RELCH: variants seen among roughly 807,000 people sequenced by gnomAD.
RELCH encodes the protein RAB11 binding and LisH domain, coiled-coil and HEAT repeat containing.
In RELCH, 41 loss-of-function variants were observed where a neutral mutation model predicts 150.3. The ratio of observed to expected loss-of-function variants is 0.27; its 90% CI spans 0.21 to 0.35. The LOEUF (loss-of-function observed/expected upper bound fraction) is 0.35. Ranked by LOEUF, RELCH falls within the 10% of genes least tolerant of loss-of-function variation. RELCH has a pLI of 1.00. For synonymous variants in RELCH, 478 were observed against 531.8 expected, an observed-to-expected ratio of 0.90 and a Z score of 1.39; for missense variants, 1,092 against 1,467.8, an observed-to-expected ratio of 0.74 and a Z score of 4.18.
chr18:62,209,749 C>T (rs1218537043), intron 1 of RELCH, among the ~76,000 whole-genome samples: 1 of 151,620 alleles, frequency 6.6e-6, no homozygotes, highest in Non-Finnish European at 1.5e-5. Context: ...TATCTGTAAG[C>T]CTGAGCTGTC....
intron 1 of RELCH, among the ~76,000 whole-genome samples, chr18:62,189,274 T>TG (rs1491374868): frequency 2.7e-4 from 34 of 127,984 alleles, no homozygotes; most frequent in South Asian, 1.2e-3. Flanking sequence ...TTTTTTTTGT[T>TG]GTTTTTTTTT....
intron 8 of RELCH, among the ~76,000 whole-genome samples, chr18:62,229,581 A>G (rs1296133774): frequency 6.6e-6 from 1 of 151,410 alleles, no homozygotes; most frequent in African/African-American, 2.4e-5. Flanking sequence ...CCAAACCTCA[A>G]ACCTTATAGT....
At chr18:62,220,634 A>C (rs1249939114) in intron 2 of RELCH, among the ~76,000 whole-genome samples, 1 of 151,976 alleles carries the variant, frequency 6.6e-6, no homozygotes, top group Non-Finnish European at 1.5e-5. Context: ...GGCTTCATCT[A>C]ATTTTTACCT....
At chr18:62,221,353 ATTTC>A (rs1369297174) in intron 4 of RELCH, 27 bp from the exon 5 acceptor site, 1 of 1,542,064 alleles carries the variant, frequency 6.5e-7, no homozygotes, top group East Asian at 2.2e-5. Flanking sequence ...AATACTTATG[ATTTC>A]CTGTTTGCCT....
chr18:62,247,968 T>C (rs188385857), intron 11 of RELCH, among the ~76,000 whole-genome samples: 3 of 152,312 alleles, frequency 2.0e-5, no homozygotes, highest in African/African-American at 7.2e-5. Context: ...TAGCTCATAA[T>C]ACATCCTGAT....
chr18:62,221,956 T>C (rs890501532), intron 5 of RELCH, among the ~76,000 whole-genome samples: 1 of 151,984 alleles, frequency 6.6e-6, no homozygotes, highest in African/African-American at 2.4e-5. Flanking sequence ...TCTCTCTGAA[T>C]AGGGGCCAAT....
chr18:62,303,098 C>G (rs2045738190), intron 28 of RELCH, among the ~76,000 whole-genome samples: 1 of 151,812 alleles, frequency 6.6e-6, no homozygotes, highest in Non-Finnish European at 1.5e-5. Flanking sequence ...TTACAAACCC[C>G]TTTATAAAAC....
intron 22 of RELCH, among the ~76,000 whole-genome samples, chr18:62,277,372 T>C (rs1323773326): frequency 6.6e-6 from 1 of 152,132 alleles, no homozygotes; most frequent in African/African-American, 2.4e-5. Flanking sequence ...ATGATACATT[T>C]CAATGAGCAT....
intron 1 of RELCH, among the ~76,000 whole-genome samples, chr18:62,203,680 A>G (rs576816370): frequency 3.3e-5 from 5 of 152,180 alleles, no homozygotes; most frequent in South Asian, 4.2e-4. Flanking sequence ...TAATATTGCA[A>G]TTTCTCACTA....
intron 1 of RELCH, among the ~76,000 whole-genome samples, chr18:62,196,128 T>G (rs1447301667): frequency 6.6e-6 from 1 of 152,226 alleles, no homozygotes; most frequent in Non-Finnish European, 1.5e-5. Context: ...AAACTTTTCA[T>G]CCCTTCTACT....
intron 1 of RELCH, among the ~76,000 whole-genome samples, chr18:62,196,653 A>T (rs1191582927): frequency 6.6e-6 from 1 of 152,062 alleles, no homozygotes; most frequent in Non-Finnish European, 1.5e-5. Context: ...TTTCTTTCCT[A>T]TGTCTTTCCA....
intron 16 of RELCH, among the ~76,000 whole-genome samples, chr18:62,263,761 T>C (rs1446892052): frequency 6.6e-6 from 1 of 152,054 alleles, no homozygotes; most frequent in Non-Finnish European, 1.5e-5. Context: ...TACATTCTGC[T>C]GTGGGAATAA....
At chr18:62,291,690 G>C in intron 27 of RELCH, 59 bp downstream of exon 27, 1 of 1,083,166 alleles carries the variant, frequency 9.2e-7, no homozygotes. Context: ...ATATAGACTT[G>C]CAGTCTTCTC....
At position 62,261,570 on chromosome 18, in the gene RELCH, C is replaced by T. The variant is rs2043273598; in HGVS notation, c.2262C>T (p.Ser754=). The T allele has an allele frequency of 6.2e-7, 1 of 1,612,054 alleles. No individual in the cohort carries two copies. The highest frequency in any genetic ancestry group is 8.5e-7 in the Non-Finnish European group (1 of 1,178,748). ...KLHMYLSALQ[S]LIPSLFALVL... ...ACATGTATCTTTCTGCCTTGCAGTC[C>T]TTGATCCCATCTCTCTTTGCATTAG... Residue 754 remains serine, a synonymous_variant, in exon 16 of 29, where the codon TCC becomes TCT. Coordinates refer to ENST00000644646, the MANE Select transcript of RELCH (RefSeq NM_001346231.2).
chr18:62,211,449 T>C (rs1490275045), intron 2 of RELCH, among the ~76,000 whole-genome samples: 1 of 152,230 alleles, frequency 6.6e-6, no homozygotes, highest in Non-Finnish European at 1.5e-5. Flanking sequence ...TCTGGTTATG[T>C]ATCCCTATAA....
chr18:62,257,906 T>G lies in RELCH; in HGVS notation c.1897-42T>G, dbSNP rs201339388. 2.6e-5 allele frequency: 38 copies of G among 1,460,254 alleles called. 1 individual carries two copies. In the African/African-American group the frequency reaches 4.2e-4, roughly 16 times the overall value. 90.5% of individuals were successfully genotyped at this position (1,460,254 alleles called of 1,614,324 possible). A position where few individuals can be genotyped will look rare whatever the true frequency, so the allele number is the denominator to read the frequency against. On this transcript the variant is annotated intron_variant, in intron 13 of 28. Transcript: ENST00000644646. ...TGTCATATTATTTTCTATACTTCTG[T>G]GCTTAGGTGTAAATAAATAGTAAAA...
At chr18:62,267,348 C>T (rs1439559944) in intron 19 of RELCH, among the ~76,000 whole-genome samples, 1 of 151,464 alleles carries the variant, frequency 6.6e-6, no homozygotes. Flanking sequence ...ACATGTGTAG[C>T]ACCCCCACCC....
chr18:62,189,230 T>G (rs983136131), intron 1 of RELCH, among the ~76,000 whole-genome samples: 1 of 151,628 alleles, frequency 6.6e-6, no homozygotes, highest in Non-Finnish European at 1.5e-5. Flanking sequence ...TGTAACAAAA[T>G]TGTTATGTGT....
chr18:62,301,980 C>A (rs2045684058), intron 28 of RELCH, among the ~76,000 whole-genome samples: 1 of 152,176 alleles, frequency 6.6e-6, no homozygotes, highest in Non-Finnish European at 1.5e-5. Flanking sequence ...GGCCACCTAG[C>A]TACTAAGTGG....
Sources: gnomAD v4.1 joint callset for allele counts (sites outside exome capture counted in the v4.1 genomes callset) on GRCh38, gnomAD v4.1.1 for gene constraint, MANE v1.5 for transcripts, NCBI Gene and HGNC (gene_info 2026-07-23, HGNC 2026-07-21) for gene names.